The following ADGRL2 variants were observed in gnomAD, a reference collection of about 807,000 sequenced individuals.
The protein encoded by ADGRL2 is adhesion G protein-coupled receptor L2.
A neutral mutation model predicts 157.4 loss-of-function variants in ADGRL2; 44 were observed. The observed-to-expected ratio is 0.28, with a 90% CI of 0.22 to 0.36. ADGRL2 has a LOEUF of 0.36. Ranked by LOEUF, ADGRL2 falls within the 10% of genes least tolerant of loss-of-function variation. The pLI is 1.00. For missense variants in ADGRL2, 1,510 were observed against 1,768.9 expected, an observed-to-expected ratio of 0.85 and a Z score of 2.63; for synonymous variants, 585 against 624.7, an observed-to-expected ratio of 0.94 and a Z score of 0.95.
intron 1 of ADGRL2, among the ~76,000 whole-genome samples, chr1:81,329,923 A>C (rs1276130664): frequency 2.6e-5 from 4 of 152,184 alleles, no homozygotes; most frequent in African/African-American, 9.6e-5. Context: ...ATTTTCTGAC[A>C]GCTCTGCTGG....
intron 3 of ADGRL2, among the ~76,000 whole-genome samples, chr1:81,631,946 T>C (rs1194336620): frequency 6.6e-6 from 1 of 152,210 alleles, no homozygotes; most frequent in African/African-American, 2.4e-5. Context: ...TCTGACATTG[T>C]TGGCTCTGAG....
intron 2 of ADGRL2, among the ~76,000 whole-genome samples, chr1:81,513,671 G>T (rs549385218): frequency 2.9e-4 from 44 of 152,074 alleles, no homozygotes; most frequent in Non-Finnish European, 4.9e-4. Context: ...TTTTGGTTTT[G>T]TGTTTATGTG....
At chr1:81,965,964 A>G in intron 11 of ADGRL2, 94 bp from the exon 12 acceptor site, 1 of 1,279,294 alleles carries the variant, frequency 7.8e-7, no homozygotes, top group Non-Finnish European at 1.1e-6. Context: ...GGCAAAAAGA[A>G]AACAGTAGTT....
At chr1:81,616,836 C>G (rs2081664472) in intron 3 of ADGRL2, among the ~76,000 whole-genome samples, 1 of 152,008 alleles carries the variant, frequency 6.6e-6, no homozygotes, top group Non-Finnish European at 1.5e-5. Flanking sequence ...GCCACTGCGT[C>G]TGGCTGATTT....
At chr1:81,389,928 T>A (rs1040269013) in intron 1 of ADGRL2, among the ~76,000 whole-genome samples, 2 of 152,176 alleles carry the variant, frequency 1.3e-5, no homozygotes, top group African/African-American at 4.8e-5. Flanking sequence ...TGTCTGCTAA[T>A]CTGACTTTTA....
chr1:81,470,870 A>G (rs1157660237), intron 2 of ADGRL2, among the ~76,000 whole-genome samples: 1 of 152,208 alleles, frequency 6.6e-6, no homozygotes, highest in Non-Finnish European at 1.5e-5. Flanking sequence ...TAATTTATTA[A>G]TTTCAAATAA....
intron 11 of ADGRL2, among the ~76,000 whole-genome samples, chr1:81,962,731 A>AC (rs1248711882): frequency 3.9e-5 from 6 of 152,182 alleles, no homozygotes; most frequent in Non-Finnish European, 7.4e-5. Context: ...CCATATGAAT[A>AC]ACCAGTTCCT....
chr1:81,483,724 T>C (rs549600101), intron 2 of ADGRL2, among the ~76,000 whole-genome samples: 2 of 152,290 alleles, frequency 1.3e-5, no homozygotes, highest in African/African-American at 4.8e-5. Context: ...TTCCTTACAT[T>C]GGATGTGACT....
At chr1:81,683,703 C>G (rs116358415) in intron 3 of ADGRL2, among the ~76,000 whole-genome samples, 9,802 of 152,030 alleles carry the variant, frequency 0.064, 456 homozygotes, top group Middle Eastern at 0.1. Flanking sequence ...ATATATATCA[C>G]AGTTTCTTTA....
intron 2 of ADGRL2, among the ~76,000 whole-genome samples, chr1:81,886,721 A>T (rs2094136623): frequency 6.6e-6 from 1 of 151,192 alleles, no homozygotes; most frequent in African/African-American, 2.5e-5. Flanking sequence ...TTTTTATTTA[A>T]ACAAAACCTT....
intron 2 of ADGRL2, among the ~76,000 whole-genome samples, chr1:81,480,538 T>C (rs11588010): frequency 0.2 from 30,379 of 152,140 alleles, 3,256 homozygotes; most frequent in East Asian, 0.28. Context: ...TTTCTTTCTC[T>C]GTATAAGAAA....
At chr1:81,583,890 T>C (rs1285677514) in intron 3 of ADGRL2, among the ~76,000 whole-genome samples, 1 of 152,208 alleles carries the variant, frequency 6.6e-6, no homozygotes, top group Non-Finnish European at 1.5e-5. Context: ...GACTTGCTTT[T>C]CATTTGAAAG....
chr1:81,818,754 TATC>T (rs2090677064), intron 1 of ADGRL2, among the ~76,000 whole-genome samples: 1 of 152,166 alleles, frequency 6.6e-6, no homozygotes, highest in Admixed American at 6.5e-5. Context: ...CATACTACGA[TATC>T]ATGCCAAAAT....
At chr1:81,851,207 T>C (rs1392761196) in intron 2 of ADGRL2, among the ~76,000 whole-genome samples, 2 of 151,872 alleles carry the variant, frequency 1.3e-5, no homozygotes, top group African/African-American at 4.8e-5. Context: ...TCAATTCTTA[T>C]TAGGAGATTT....
At chr1:81,907,422 A>C (rs1274235888) in intron 3 of ADGRL2, among the ~76,000 whole-genome samples, 192 bp downstream of exon 3, 1 of 152,224 alleles carries the variant, frequency 6.6e-6, no homozygotes, top group Non-Finnish European at 1.5e-5. Context: ...AAATCATTCT[A>C]ATATAGCTTG....
intron 2 of ADGRL2, among the ~76,000 whole-genome samples, chr1:81,515,562 T>G (rs965416270): frequency 2.3e-4 from 35 of 152,352 alleles, no homozygotes; most frequent in African/African-American, 7.9e-4. Context: ...GCTATGTGAC[T>G]TGTATATGTG....
At chr1:81,328,733 C>T (rs1311954613) in intron 1 of ADGRL2, among the ~76,000 whole-genome samples, 1 of 151,906 alleles carries the variant, frequency 6.6e-6, no homozygotes, top group Admixed American at 6.6e-5. Context: ...TAAGGATCAC[C>T]TCAATTCCAG....
chr1:81,972,514 G>A lies in ADGRL2; in HGVS notation c.3021+596G>A, dbSNP rs377468379. On this transcript the variant is annotated intron_variant, in intron 17 of 23. Transcript: ENST00000686636. ...GAATTTGATGCAAGTCAAGGATAAC[G>A]ACATTAAGATATTTTTAAACATCTT... 2.0e-4 allele frequency among the ~76,000 whole-genome samples: 31 copies of A among 152,170 alleles called. No individual in the cohort carries two copies. In the East Asian group the frequency reaches 4.6e-3, roughly 23 times the overall value.
chr1:81,880,152 C>T (rs987733923), intron 2 of ADGRL2, among the ~76,000 whole-genome samples: 7 of 152,150 alleles, frequency 4.6e-5, no homozygotes, highest in African/African-American at 1.7e-4. Flanking sequence ...CGATGTCCTA[C>T]TGTGTTGCCT....
Sources: gnomAD v4.1 joint callset for allele counts (sites outside exome capture counted in the v4.1 genomes callset) on GRCh38, gnomAD v4.1.1 for gene constraint, MANE v1.5 for transcripts, NCBI Gene and HGNC (gene_info 2026-07-23, HGNC 2026-07-21) for gene names.